PSMB7: variants seen among roughly 807,000 people sequenced by gnomAD.
PSMB7 encodes the protein proteasome 20S subunit beta 7.
PSMB7 carries 5 observed loss-of-function variants against 28.1 expected under a neutral mutation model. The observed-to-expected ratio is 0.18, with a 90% CI of 0.09 to 0.37. The LOEUF (loss-of-function observed/expected upper bound fraction) is 0.37. Ranked by LOEUF, PSMB7 falls within the 10% of genes least tolerant of loss-of-function variation. PSMB7 has a pLI of 1.00. For missense variants in PSMB7, 275 were observed against 346.2 expected (o/e 0.79, Z 1.63); for synonymous variants, 122 against 123.7 (o/e 0.99, Z 0.09).
At chr9:124,365,771 C>T (rs1237146067) in intron 6 of PSMB7, among the ~76,000 whole-genome samples, 1 of 152,006 alleles carries the variant, frequency 6.6e-6, no homozygotes, top group Non-Finnish European at 1.5e-5. Context: ...AGAAATTAGC[C>T]AGGTGTGGTG....
At chr9:124,399,670 G>A (rs1025944607) in intron 5 of PSMB7, among the ~76,000 whole-genome samples, 3 of 152,220 alleles carry the variant, frequency 2.0e-5, no homozygotes, top group African/African-American at 7.2e-5. Flanking sequence ...GCAGCCAAGA[G>A]CCGCAAGGAG....
chr9:124,379,840 T>TA (rs772040118), intron 6 of PSMB7, among the ~76,000 whole-genome samples: 90 of 152,328 alleles, frequency 5.9e-4, no homozygotes, highest in Admixed American at 1.4e-3. Context: ...ACTTTCTAGA[T>TA]AAAAAGAAAA....
At chr9:124,381,659 A>G (rs1217491530) in intron 6 of PSMB7, among the ~76,000 whole-genome samples, 3 of 152,240 alleles carry the variant, frequency 2.0e-5, no homozygotes, top group African/African-American at 7.2e-5. Flanking sequence ...ATTTTAAACC[A>G]AACTGCCTTT....
At chr9:124,394,098 C>A (rs1215553397) in intron 5 of PSMB7, among the ~76,000 whole-genome samples, 2 of 152,326 alleles carry the variant, frequency 1.3e-5, no homozygotes, top group East Asian at 3.9e-4. Flanking sequence ...GGGCATTCCA[C>A]TTTAATTGAT....
intron 3 of PSMB7, among the ~76,000 whole-genome samples, chr9:124,413,264 T>C (rs1021091754): frequency 2.0e-5 from 3 of 147,380 alleles, no homozygotes; most frequent in African/African-American, 7.5e-5. Flanking sequence ...AGTTTCTAAA[T>C]AGAATCTCAC....
chr9:124,360,077 A>G (rs1273626679), intron 6 of PSMB7, among the ~76,000 whole-genome samples: 3 of 152,240 alleles, frequency 2.0e-5, no homozygotes. Flanking sequence ...CTCTGACTAC[A>G]GTATTTCCAT....
At chr9:124,387,169 C>T (rs1474908884) in intron 5 of PSMB7, among the ~76,000 whole-genome samples, 1 of 152,116 alleles carries the variant, frequency 6.6e-6, no homozygotes, top group Non-Finnish European at 1.5e-5. Flanking sequence ...TGGCATGAAC[C>T]CGGGAGGCAG....
intron 5 of PSMB7, among the ~76,000 whole-genome samples, chr9:124,387,043 G>A (rs1447313548): frequency 1.3e-5 from 2 of 152,160 alleles, no homozygotes; most frequent in African/African-American, 2.4e-5. Context: ...TGAGGAGATT[G>A]AGACCATCCT....
intron 7 of PSMB7, among the ~76,000 whole-genome samples, chr9:124,355,337 T>C (rs536581922): frequency 9.0e-4 from 137 of 152,322 alleles, no homozygotes; most frequent in African/African-American, 3.2e-3. Context: ...GAGCAGCCCA[T>C]GTCCCAGGAA....
intron 6 of PSMB7, among the ~76,000 whole-genome samples, chr9:124,375,221 A>G (rs1830597759): frequency 1.3e-5 from 2 of 152,152 alleles, no homozygotes; most frequent in South Asian, 4.1e-4. Context: ...CTGAAGTGCA[A>G]TGGCACAACT....
intron 6 of PSMB7, among the ~76,000 whole-genome samples, chr9:124,382,455 G>A (rs564277355): frequency 1.4e-3 from 214 of 151,742 alleles, no homozygotes; most frequent in Non-Finnish European, 1.3e-3. Flanking sequence ...TGATCCACCC[G>A]CCTCAGCCTC....
At chr9:124,404,109 T>TA (rs1449844090) in intron 5 of PSMB7, among the ~76,000 whole-genome samples, 1 of 151,802 alleles carries the variant, frequency 6.6e-6, no homozygotes, top group Non-Finnish European at 1.5e-5. Flanking sequence ...AGGCTGGTCT[T>TA]AAACTCCTGG....
chr9:124,386,483 G>A (rs1266438645), intron 5 of PSMB7, among the ~76,000 whole-genome samples: 12 of 152,184 alleles, frequency 7.9e-5, no homozygotes, highest in African/African-American at 7.2e-5. Context: ...TGTGGAAAGC[G>A]AAAGACAGCT....
intron 5 of PSMB7, among the ~76,000 whole-genome samples, chr9:124,387,772 G>A (rs1226111515): frequency 6.6e-6 from 1 of 152,042 alleles, no homozygotes; most frequent in Admixed American, 6.6e-5. Flanking sequence ...ATGTGTGTCT[G>A]CCATTTAGAA....
chr9:124,378,501 G>A (rs1462439958), intron 6 of PSMB7, among the ~76,000 whole-genome samples: 1 of 152,176 alleles, frequency 6.6e-6, no homozygotes, highest in Non-Finnish European at 1.5e-5. Flanking sequence ...GTTTGCCTTT[G>A]AATCATCTCC....
chr9:124,384,884 C>A (rs1335894206), intron 5 of PSMB7, among the ~76,000 whole-genome samples: 1 of 152,206 alleles, frequency 6.6e-6, no homozygotes, highest in Non-Finnish European at 1.5e-5. Flanking sequence ...GTCCTACTTC[C>A]ACCACTGACA....
At chr9:124,400,177 CT>C (rs758877722) in intron 5 of PSMB7, among the ~76,000 whole-genome samples, 12 of 152,180 alleles carry the variant, frequency 7.9e-5, no homozygotes, top group Admixed American at 2.0e-4. Context: ...ACACGGAGCC[CT>C]TGTGCACCAC....
intron 5 of PSMB7, among the ~76,000 whole-genome samples, chr9:124,402,845 C>A (rs1007060435): frequency 1.3e-5 from 2 of 152,156 alleles, no homozygotes; most frequent in African/African-American, 2.4e-5. Flanking sequence ...CAGAACAATT[C>A]TAAAATTACC....
intron 5 of PSMB7, among the ~76,000 whole-genome samples, chr9:124,387,702 G>A (rs756573583): frequency 6.6e-6 from 1 of 152,186 alleles, no homozygotes; most frequent in Non-Finnish European, 1.5e-5. Context: ...CCCCTTTTCA[G>A]AAATACACAG....
Sources: allele counts gnomAD v4.1 joint callset (sites outside exome capture counted in the v4.1 genomes callset), GRCh38; gene constraint gnomAD v4.1.1; transcripts MANE v1.5; gene names NCBI Gene and HGNC (gene_info 2026-07-23, HGNC 2026-07-21).